Variants in ANK3 observed in about 807,000 individuals in gnomAD.
The protein encoded by ANK3 is ankyrin 3.
A neutral mutation model predicts 370.9 loss-of-function variants in ANK3; 57 were observed. The ratio of observed to expected loss-of-function variants is 0.15; its 90% CI spans 0.12 to 0.19. The LOEUF (loss-of-function observed/expected upper bound fraction) is 0.19, where lower values mean the gene tolerates loss of function less well. Ranked by LOEUF, ANK3 falls within the 10% of genes least tolerant of loss-of-function variation. ANK3 has a pLI of 1.00. For synonymous variants in ANK3, 1,929 were observed against 1,946.3 expected, an observed-to-expected ratio of 0.99 and a Z score of 0.23; for missense variants, 4,439 against 5,302.1, an observed-to-expected ratio of 0.84 and a Z score of 5.06.
chr10:60,495,676 TAGAC>T (rs763680750), intron 2 of ANK3, among the ~76,000 whole-genome samples: 63 of 152,286 alleles, frequency 4.1e-4, no homozygotes, highest in African/African-American at 1.3e-3. Context: ...TTTTAATACT[TAGAC>T]AGAAATTTCT....
rs1218864749 is a variant in ANK3, at chr10:60,068,931, C to T, written c.11950G>A (p.Val3984Ile). ...ACTTCCTTGAGCTGACTTTTCCTAA[C>T]TTTAACTGTGCAGCTGGTGGTGGTG... ...TTTTTSCTVK[V>I]RKSQLKEVCK... Residue 3984 changes from valine (V) to isoleucine (I), a missense_variant, in exon 37 of 44, where the codon GTT (valine) becomes ATT (isoleucine). Val to Ile is a conservative substitution (Grantham distance 29). This residue lies in a region of ANK3 where 496 missense variants were observed against 529.3 expected (regional missense o/e 0.94). Coordinates refer to ENST00000280772, the MANE Select transcript of ANK3 (RefSeq NM_020987.5). 6.2e-7 allele frequency: 1 copy of T among 1,613,866 alleles called. No individual in the cohort carries two copies. The highest frequency in any genetic ancestry group is 8.5e-7 in the Non-Finnish European group (1 of 1,179,986).
intron 7 of ANK3, among the ~76,000 whole-genome samples, chr10:60,257,344 C>G (rs576280054): frequency 6.6e-6 from 1 of 152,166 alleles, no homozygotes; most frequent in Non-Finnish European, 1.5e-5. Context: ...ATGCCAAGTT[C>G]TTTCCTACAC....
At chr10:60,149,094 G>T (rs530828895) in intron 23 of ANK3, among the ~76,000 whole-genome samples, 187 of 152,318 alleles carry the variant, frequency 1.2e-3, no homozygotes, top group Non-Finnish European at 2.0e-3. Context: ...CATTGTGCCT[G>T]GCAATAAACA....
intron 7 of ANK3, among the ~76,000 whole-genome samples, chr10:60,248,966 A>G (rs111609310): frequency 8.5e-4 from 130 of 152,376 alleles, no homozygotes; most frequent in African/African-American, 3.1e-3. Context: ...AGGAAACAGC[A>G]TATTCAGTGA....
intron 1 of ANK3, among the ~76,000 whole-genome samples, chr10:60,324,580 A>T (rs900901260): frequency 6.6e-6 from 1 of 152,250 alleles, no homozygotes; most frequent in South Asian, 2.1e-4. Flanking sequence ...TCCCTCTAGA[A>T]CATTTGTGGT....
chr10:60,648,146 CT>C (rs138851239), intron 1 of ANK3, among the ~76,000 whole-genome samples: 8 of 113,392 alleles, frequency 7.1e-5, no homozygotes, highest in African/African-American at 1.1e-4. Flanking sequence ...CGGCCAGCCT[CT>C]TTTTTTTTTC....
chr10:60,463,863 G>A (rs1163247128), intron 2 of ANK3, among the ~76,000 whole-genome samples: 1 of 151,860 alleles, frequency 6.6e-6, no homozygotes, highest in Non-Finnish European at 1.5e-5. Context: ...GAGGAAGGGA[G>A]CTTTTTGTAT....
At chr10:60,609,652 A>G (rs1184560656) in intron 2 of ANK3, among the ~76,000 whole-genome samples, 1 of 152,156 alleles carries the variant, frequency 6.6e-6, no homozygotes, top group Non-Finnish European at 1.5e-5. Context: ...CATATTACAC[A>G]ATGCAGACTG....
At chr10:60,223,955 G>A (rs1011995557) in intron 8 of ANK3, among the ~76,000 whole-genome samples, 4 of 138,966 alleles carry the variant, frequency 2.9e-5, no homozygotes, top group Non-Finnish European at 6.1e-5. Context: ...TTTTTTTTTT[G>A]AAGCGGAATA....
At chr10:60,540,077 G>C (rs546037153) in intron 2 of ANK3, among the ~76,000 whole-genome samples, 2 of 151,888 alleles carry the variant, frequency 1.3e-5, no homozygotes, top group Admixed American at 1.3e-4. Flanking sequence ...GAAAATGACA[G>C]GCTCCTTCAC....
At chr10:60,448,114 G>A (rs1416802370) in intron 2 of ANK3, among the ~76,000 whole-genome samples, 2 of 152,140 alleles carry the variant, frequency 1.3e-5, no homozygotes, top group Non-Finnish European at 2.9e-5. Flanking sequence ...ATCCAGAGAA[G>A]AACAGGCAGG....
At chr10:60,474,422 G>A (rs2075005578) in intron 2 of ANK3, among the ~76,000 whole-genome samples, 2 of 152,180 alleles carry the variant, frequency 1.3e-5, no homozygotes, top group South Asian at 4.1e-4. Context: ...AGGCTGCCAA[G>A]AAGAGGGAAA....
intron 25 of ANK3, among the ~76,000 whole-genome samples, chr10:60,115,134 C>A (rs553500845): frequency 1.3e-5 from 2 of 152,148 alleles, no homozygotes; most frequent in East Asian, 3.9e-4. Context: ...AGATTTTTGG[C>A]AGTAATGAGA....
At chr10:60,291,000 C>T (rs748572388) in intron 1 of ANK3, among the ~76,000 whole-genome samples, 2 of 151,964 alleles carry the variant, frequency 1.3e-5, no homozygotes, top group Non-Finnish European at 2.9e-5. Context: ...ATCTAGAATT[C>T]AGGCCGTGGG....
At chr10:60,637,759 A>T (rs183337003) in intron 1 of ANK3, among the ~76,000 whole-genome samples, 45 of 152,352 alleles carry the variant, frequency 3.0e-4, no homozygotes, top group Non-Finnish European at 3.5e-4. Context: ...TTTATGAAAT[A>T]AACCCAACTA....
In ANK3 at chr10:60,081,805, T is replaced by C. The variant is rs995672332; in HGVS notation, c.4350+345A>G. ...CTCGTCAGTCATAGATAGAACTTCCTGGTCCTACTCTTTTCCCCCTTTCTC... is the reference window on the plus strand; with the variant it reads ...CTCGTCAGTCATAGATAGAACTTCCCGGTCCTACTCTTTTCCCCCTTTCTC... On this transcript the variant is annotated intron_variant, in intron 35 of 43. Transcript: ENST00000280772. The C allele has an allele frequency of 1.4e-4, 17 of 118,684 alleles. No individual in the cohort carries two copies. The African/African-American group carries it at 1.8e-3, about 12-fold the overall frequency. The allele number at this position is 118,684 out of a possible 1,614,324, so 7.4% of individuals were successfully genotyped here.
chr10:60,190,570 G>C (rs1031904236), intron 16 of ANK3, among the ~76,000 whole-genome samples: 1 of 152,176 alleles, frequency 6.6e-6, no homozygotes, highest in Non-Finnish European at 1.5e-5. Context: ...GATGTGGTTT[G>C]GTGGAACTTC....
intron 36 of ANK3, among the ~76,000 whole-genome samples, chr10:60,077,573 A>T (rs887622151): frequency 3.3e-5 from 5 of 152,238 alleles, no homozygotes; most frequent in African/African-American, 1.2e-4. Flanking sequence ...ACTGCAAGTT[A>T]TAAAATGACC....
intron 2 of ANK3, among the ~76,000 whole-genome samples, chr10:60,597,659 A>G (rs893899643): frequency 7.2e-5 from 11 of 152,178 alleles, no homozygotes; most frequent in African/African-American, 2.4e-4. Context: ...CCTAGATGCC[A>G]TAGAATTTCT....
Sources: gnomAD v4.1 joint callset for allele counts (sites outside exome capture counted in the v4.1 genomes callset) on GRCh38, gnomAD v4.1.1 for gene constraint, gnomAD v4.1.1 regional missense constraint, MANE v1.5 for transcripts, NCBI Gene and HGNC (gene_info 2026-07-23, HGNC 2026-07-21) for gene names.